The following STX2 variants were observed in gnomAD, a reference collection of about 807,000 sequenced individuals.
STX2 encodes the protein syntaxin 2.
A neutral mutation model predicts 40.6 loss-of-function variants in STX2; 27 were observed. The observed-to-expected ratio is 0.66, with a 90% CI of 0.49 to 0.92. STX2 has a LOEUF of 0.92. Among genes scored for constraint, STX2 ranks in the 40% least tolerant of loss-of-function variants. The pLI is 0.00. For missense variants in STX2, 328 were observed against 366.1 expected (o/e 0.90, Z 0.85); for synonymous variants, 123 against 119.1 (o/e 1.03, Z -0.22).
chr12:130,813,028 A>C lies in STX2; in HGVS notation c.209T>G (p.Ile70Arg), dbSNP rs767254978. The change falls in exon 4 of 11, where the codon ATA (isoleucine) becomes AGA (arginine). Residue 70 changes from isoleucine (I) to arginine (R), a missense_variant. Transcript: ENST00000392373. ...GTTCAGATCTTCAAGCTCTTCTTTT[A>C]TTTCTATAAAAATTTAAAATTAAAA... ...ILSAPNPEGK[I>R]KEELEDLNKE... 1.3e-6 allele frequency: 2 copies of C among 1,505,338 alleles called. No individual in the cohort carries two copies. The highest frequency in any genetic ancestry group is 1.8e-6 in the Non-Finnish European group (2 of 1,128,490). The allele number at this position is 1,505,338 out of a possible 1,614,324, so 93.2% of individuals were successfully genotyped here.
At chr12:130,804,373 C>T (rs967339746) in intron 6 of STX2, among the ~76,000 whole-genome samples, 3 of 152,174 alleles carry the variant, frequency 2.0e-5, no homozygotes, top group African/African-American at 4.8e-5. Flanking sequence ...CCGTGATGAC[C>T]GATGCTCGAC....
At chr12:130,819,140 T>C (rs1481517104) in intron 3 of STX2, among the ~76,000 whole-genome samples, 2 of 152,150 alleles carry the variant, frequency 1.3e-5, no homozygotes, top group African/African-American at 4.8e-5. Context: ...ACCGGCTGCC[T>C]CTGGCGCCAC....
intron 1 of STX2, among the ~76,000 whole-genome samples, chr12:130,838,520 A>G (rs923883228): frequency 4.6e-5 from 7 of 152,190 alleles, no homozygotes; most frequent in Admixed American, 4.6e-4. Context: ...CCAAGCACCC[A>G]GCACTCTAAG....
intron 4 of STX2, among the ~76,000 whole-genome samples, chr12:130,809,541 G>A (rs937925548): frequency 1.3e-5 from 2 of 152,220 alleles, no homozygotes; most frequent in Non-Finnish European, 2.9e-5. Flanking sequence ...GAGGAGCCGG[G>A]TGCAGTGGCT....
intron 10 of STX2, among the ~76,000 whole-genome samples, chr12:130,793,572 T>C (rs565476893): frequency 2.0e-5 from 3 of 152,126 alleles, no homozygotes; most frequent in African/African-American, 7.2e-5. Context: ...CTACATGGAG[T>C]CTAGGGTACA....
intron 1 of STX2, among the ~76,000 whole-genome samples, chr12:130,838,099 TG>T (rs949954114): frequency 1.3e-5 from 2 of 152,158 alleles, no homozygotes; most frequent in East Asian, 3.9e-4. Flanking sequence ...CGTAGGGCTG[TG>T]GGCCTTAGCA....
chr12:130,808,973 C>A (rs144299085), intron 4 of STX2, among the ~76,000 whole-genome samples: 211 of 152,274 alleles, frequency 1.4e-3, no homozygotes, highest in Middle Eastern at 3.4e-3. Flanking sequence ...CTCAAGCAGT[C>A]CTCCCACCGC....
intron 9 of STX2, among the ~76,000 whole-genome samples, chr12:130,796,918 A>G (rs1369692070): frequency 1.3e-5 from 2 of 152,154 alleles, no homozygotes; most frequent in Non-Finnish European, 2.9e-5. Flanking sequence ...TGAGGGCCAC[A>G]TGGCTCCGCG....
Position 130,809,591 on chromosome 12 carries a change from C to T in STX2, c.281-887G>A, listed in dbSNP as rs758694002. Reference sequence around the variant, plus strand: ...TAGCACTTTGGGAGGCTAAGGCAGGCGGATCACTTGAGGCCAGGGGTTCGA... The same window carrying T: ...TAGCACTTTGGGAGGCTAAGGCAGGTGGATCACTTGAGGCCAGGGGTTCGA... On this transcript the variant is annotated intron_variant, in intron 4 of 10. Transcript: ENST00000392373. Among the ~76,000 whole-genome samples, 6 of 152,076 alleles carry T rather than the reference C, an allele frequency of 3.9e-5. No homozygotes were observed. In the East Asian group the frequency reaches 5.8e-4, roughly 15 times the overall value.
intron 3 of STX2, among the ~76,000 whole-genome samples, chr12:130,814,675 C>T (rs1951793647): frequency 8.0e-6 from 1 of 125,390 alleles, no homozygotes; most frequent in Non-Finnish European, 1.6e-5. Context: ...TTGCTCTTGT[C>T]ACCCAGGCTG....
intron 1 of STX2, among the ~76,000 whole-genome samples, chr12:130,828,391 C>CTTTTTT (rs35993256): frequency 1.6e-4 from 17 of 106,526 alleles, no homozygotes; most frequent in African/African-American, 2.6e-4. Context: ...CCACACCCGG[C>CTTTTTT]TTTTTTTTTT....
chr12:130,818,655 A>AGATGGAGACGATGGAGAC (rs11283385), intron 3 of STX2, among the ~76,000 whole-genome samples: 101 of 151,606 alleles, frequency 6.7e-4, no homozygotes, highest in Non-Finnish European at 1.3e-3. Flanking sequence ...GCGGCGCTGG[A>AGATGGAGACGATGGAGAC]GATGGAGACG....
At chr12:130,836,765 A>T (rs1952767400) in intron 1 of STX2, among the ~76,000 whole-genome samples, 2 of 152,172 alleles carry the variant, frequency 1.3e-5, no homozygotes, top group African/African-American at 4.8e-5. Flanking sequence ...TACAAGAAAA[A>T]GTTTTGAGAG....
intron 3 of STX2, among the ~76,000 whole-genome samples, chr12:130,815,319 C>T (rs763523162): frequency 1.8e-4 from 28 of 152,160 alleles, no homozygotes; most frequent in Non-Finnish European, 2.9e-4. Context: ...AGGAATGGCA[C>T]CAGCCAGCAC....
intron 3 of STX2, among the ~76,000 whole-genome samples, chr12:130,818,185 AAT>A (rs1168152790): frequency 2.0e-4 from 14 of 70,536 alleles, no homozygotes; most frequent in African/African-American, 1.5e-3. Context: ...AAAAAAAAAA[AAT>A]ATATATATAT....
rs1036258134 is a variant in STX2, at chr12:130,830,205, T to G, written c.31-2938A>C. The stretch of plus-strand genomic sequence containing the variant: ...CGTGAGGCAAATCCCATGAGGCAGA[T>G]GCTACTGTGGAGGCTGCACCTGCAG... On this transcript the variant is annotated intron_variant, in intron 1 of 10. Coordinates refer to ENST00000392373, the MANE Select transcript of STX2 (RefSeq NM_194356.4). Among the ~76,000 whole-genome samples, 3 of 152,132 alleles carry G rather than the reference T, an allele frequency of 2.0e-5. No individual in the cohort carries two copies. In the South Asian group the frequency reaches 6.2e-4, roughly 32 times the overall value.
Position 130,789,827 on chromosome 12 carries a change from GAC to G in STX2, c.*2194_*2195del, listed in dbSNP as rs1283402904. 2 of 152,492 alleles carry G rather than the reference GAC, an allele frequency of 1.3e-5. No individual in the cohort carries two copies. The highest frequency in any genetic ancestry group is 2.9e-5 in the Non-Finnish European group (2 of 68,012). The allele number at this position is 152,492 out of a possible 1,614,324, so 9.4% of individuals were successfully genotyped here. On this transcript the variant is annotated 3_prime_UTR_variant, in exon 11 of 11. Transcript: ENST00000392373. ...TGAGGCTTAGACATACACATCATTG[GAC>G]AAGTGACTTAAATATCTAAATACAA...
chr12:130,821,125 T>C (rs967396664), intron 3 of STX2, among the ~76,000 whole-genome samples: 4 of 152,194 alleles, frequency 2.6e-5, no homozygotes, highest in Non-Finnish European at 5.9e-5. Context: ...ACTGAGCTCC[T>C]TTCACTCTCC....
chr12:130,806,542 G>A (rs1276283644), intron 6 of STX2, among the ~76,000 whole-genome samples: 1 of 152,126 alleles, frequency 6.6e-6, no homozygotes, highest in Admixed American at 6.5e-5. Flanking sequence ...GTCTGTCCCC[G>A]AAGAAGGCGC....
Sources: gnomAD v4.1 joint callset for allele counts (sites outside exome capture counted in the v4.1 genomes callset) on GRCh38, gnomAD v4.1.1 for gene constraint, MANE v1.5 for transcripts, NCBI Gene and HGNC (gene_info 2026-07-23, HGNC 2026-07-21) for gene names.